Variants in TCOF1 observed in about 807,000 individuals in gnomAD.
The protein encoded by TCOF1 is treacle protein.
A neutral mutation model predicts 149.0 loss-of-function variants in TCOF1; 33 were observed. The observed-to-expected ratio is 0.22, with a 90% CI of 0.17 to 0.30. The LOEUF is 0.30. Among genes scored for constraint, TCOF1 ranks in the 10% least tolerant of loss-of-function variants. The pLI is 1.00. For missense variants in TCOF1, 1,728 were observed against 1,840.7 expected, an observed-to-expected ratio of 0.94 and a Z score of 1.12; for synonymous variants, 789 against 738.8, an observed-to-expected ratio of 1.07 and a Z score of -1.10.
chr5:150,368,950 G>A (rs1339814781), intron 5 of TCOF1, 48 bp downstream of exon 5: 4 of 1,605,602 alleles, frequency 2.5e-6, no homozygotes, highest in South Asian at 2.2e-5. Context: ...ACTTGGGCTG[G>A]TGAGGCAGGC....
chr5:150,398,379 AAAG>A lies in TCOF1; in HGVS notation c.4380_4382del (p.Lys1461del), dbSNP rs151344581. The A allele has an allele frequency of 1.8e-3, 2,939 of 1,613,646 alleles. 7 individuals carry two copies. The highest frequency in any genetic ancestry group is 2.3e-3 in the Non-Finnish European group (2,667 of 1,179,910). ...GAAAAAAAGACAAAGAAAAAAAAGA[AAAG>A]AAGAAGAAAGCAAAAAAGGCCTCAA... On this transcript the variant is annotated inframe_deletion, in exon 25 of 27. Coordinates refer to ENST00000643257, the MANE Select transcript of TCOF1 (RefSeq NM_001371623.1).
Position 150,357,872 on chromosome 5 carries a change from G to A in TCOF1, c.108+18G>A. 2 of 1,547,076 alleles carry A rather than the reference G, an allele frequency of 1.3e-6. No homozygotes were observed. The highest frequency in any genetic ancestry group is 8.7e-7 in the Non-Finnish European group (1 of 1,145,412). The stretch of plus-strand genomic sequence containing the variant: ...GCGGCCAGGTAAGCGTTCGTGGGCC[G>A]TGTGCGAGGGCCGCGTGCAAGATGT... On this transcript the variant is annotated intron_variant, in intron 1 of 26. Coordinates refer to ENST00000643257, the MANE Select transcript of TCOF1 (RefSeq NM_001371623.1).
Position 150,357,874 on chromosome 5 carries a change from G to A in TCOF1, c.108+20G>A. 6.5e-7 allele frequency: 1 copy of A among 1,547,378 alleles called. No individual in the cohort carries two copies. The highest frequency in any genetic ancestry group is 2.5e-5 in the East Asian group (1 of 40,796). ...GGCCAGGTAAGCGTTCGTGGGCCGT[G>A]TGCGAGGGCCGCGTGCAAGATGTGG... On this transcript the variant is annotated intron_variant, in intron 1 of 26. Coordinates refer to ENST00000643257, the MANE Select transcript of TCOF1 (RefSeq NM_001371623.1).
At chr5:150,387,099 C>T (rs1298482634) in intron 17 of TCOF1, among the ~76,000 whole-genome samples, 4 of 152,234 alleles carry the variant, frequency 2.6e-5, no homozygotes, top group African/African-American at 9.6e-5. Flanking sequence ...GACATGTCAG[C>T]TCATCCACCA....
intron 8 of TCOF1, 76 bp from the exon 9 acceptor site, chr5:150,374,541 G>A (rs1191303306): frequency 1.9e-6 from 3 of 1,603,910 alleles, no homozygotes; most frequent in Admixed American, 1.7e-5. Flanking sequence ...GCCCTATCTG[G>A]TCTTCTGTAC....
Position 150,372,038 on chromosome 5 carries a change from A to C in TCOF1, c.672A>C (p.Lys224Asn), listed in dbSNP as rs756128922. The change falls in exon 7 of 27, where the codon AAA becomes AAC. Residue 224 changes from lysine to asparagine, a missense_variant. Around this residue, in one of 2 missense-constraint regions of TCOF1, gnomAD observed 1,696 missense variants for 1,765.4 expected, o/e 0.96. Transcript: ENST00000643257. ...CCTCAGTAAAACCAGCCCAGGTCAA[A>C]GCCTCATCAGTTTCTACTAAGGAGT... is the stretch of plus-strand genomic sequence containing the variant. ...GKPSVKPAQV[K>N]ASSVSTKESP... The C allele has an allele frequency of 6.2e-7, 1 of 1,614,254 alleles. No homozygotes were observed.
Position 150,372,168 on chromosome 5 carries a change from G to A in TCOF1, c.802G>A (p.Glu268Lys). The change falls in exon 7 of 27, where the codon GAG becomes AAG. Residue 268 changes from glutamate (E) to lysine (K), a missense_variant. By Grantham distance (56) the Glu-to-Lys change is moderately conservative. Transcript: ENST00000643257. ...AGCCAAGAGGGCCAAGAAGCCAGAA[G>A]AGGAGTCAGAGAGTAGTGAGGAGGG... is the stretch of plus-strand genomic sequence containing the variant. Reference protein sequence around the residue: ...PPAKRAKKPEEESESSEEGSE... With the variant: ...PPAKRAKKPEKESESSEEGSE... The A allele has an allele frequency of 3.7e-6, 6 of 1,614,208 alleles. No individual in the cohort carries two copies. Among genetic ancestry groups the A allele is most frequent in the Non-Finnish European group, 5.1e-6 (6 of 1,180,028 alleles).
intron 2 of TCOF1, among the ~76,000 whole-genome samples, 166 bp from the exon 3 acceptor site, chr5:150,363,947 G>A (rs1162654106): frequency 2.0e-5 from 3 of 152,232 alleles, no homozygotes; most frequent in Non-Finnish European, 2.9e-5. Flanking sequence ...TGAAGTGAGT[G>A]AAAATGCAGA....
chr5:150,391,700 A>G, intron 20 of TCOF1, 43 bp downstream of exon 20: 2 of 1,570,736 alleles, frequency 1.3e-6, no homozygotes, highest in South Asian at 1.1e-5. Flanking sequence ...CGGAGCGTAG[A>G]AGGTGCAGGC....
rs1023553537 is a variant in TCOF1 at position 150,384,317 on chromosome 5, C to T, written c.2860-3585C>T. On this transcript the variant is annotated intron_variant, in intron 17 of 26. Coordinates refer to ENST00000643257, the MANE Select transcript of TCOF1 (RefSeq NM_001371623.1). ...CTCCACAACAGCCCTATGAGGGTGG[C>T]TCCCTTTGTTGTTTGCATTTTAAGG... 5 of 986,732 alleles carry T rather than the reference C, an allele frequency of 5.1e-6. No homozygotes were observed. In the African/African-American group the frequency reaches 5.2e-5, roughly 10 times the overall value. The allele number at this position is 986,732 out of a possible 1,614,324, so 61.1% of individuals were successfully genotyped here.
At chr5:150,369,435 C>T in intron 5 of TCOF1, 94 bp from the exon 6 acceptor site, 6 of 1,469,628 alleles carry the variant, frequency 4.1e-6, no homozygotes, top group Non-Finnish European at 5.7e-6. Flanking sequence ...CAGCACCTGG[C>T]TTTGATGAGC....
chr5:150,387,857 C>T lies in TCOF1; in HGVS notation c.2860-45C>T, dbSNP rs1179500300. On this transcript the variant is annotated intron_variant, in intron 17 of 26. Coordinates refer to ENST00000643257, the MANE Select transcript of TCOF1 (RefSeq NM_001371623.1). ...AACCCCATCACCTCCTTTCCCTGGC[C>T]AAGCCTTTAATCACTGGGGGGGTGT... 3.7e-6 allele frequency: 6 copies of T among 1,612,718 alleles called. No homozygotes were observed. In the African/African-American group the frequency reaches 8.0e-5, roughly 22 times the overall value.
chr5:150,393,017 T>G lies in TCOF1; in HGVS notation c.3603+227T>G, dbSNP rs565943253. On this transcript the variant is annotated intron_variant, in intron 22 of 26. Coordinates refer to ENST00000643257, the MANE Select transcript of TCOF1 (RefSeq NM_001371623.1). ...CTGAGTAGCTGACCCTTGGGGTCTG[T>G]AGAAGGGATTGACCTTGATTCTGGG... 196 of 613,788 alleles carry G rather than the reference T, an allele frequency of 3.2e-4. 2 individuals are homozygous for G. The South Asian group carries it at 3.7e-3, about 12-fold the overall frequency. The allele number at this position is 613,788 out of a possible 1,614,324, so 38.0% of individuals were successfully genotyped here. A position where few individuals can be genotyped will look rare whatever the true frequency, so the allele number is the denominator to read the frequency against.
chr5:150,392,324 C>A, intron 21 of TCOF1, 148 bp downstream of exon 21: 1 of 764,272 alleles, frequency 1.3e-6, no homozygotes, highest in Non-Finnish European at 2.1e-6. Context: ...ACCTGTACAA[C>A]TTCATGAGGA....
At chr5:150,385,516 G>A (rs185748087) in intron 17 of TCOF1, among the ~76,000 whole-genome samples, 61 of 152,304 alleles carry the variant, frequency 4.0e-4, no homozygotes, top group African/African-American at 1.4e-3. Flanking sequence ...TCAGTCCCCT[G>A]GAGTGGGGCT....
At chr5:150,369,413 G>A (rs998134882) in intron 5 of TCOF1, 116 bp from the exon 6 acceptor site, 6 of 1,187,010 alleles carry the variant, frequency 5.1e-6, no homozygotes, top group Non-Finnish European at 3.7e-6. Flanking sequence ...AGGCACACGA[G>A]GGGTGAGCGC....
chr5:150,399,050 GAGCACC>G lies in TCOF1; in HGVS notation c.*11_*16del. 1 of 1,614,220 alleles carries G rather than the reference GAGCACC, an allele frequency of 6.2e-7. No homozygotes were observed. The highest frequency in any genetic ancestry group is 8.5e-7 in the Non-Finnish European group (1 of 1,180,042). Reference sequence around the variant, plus strand: ...AAGACAGCAGAGCAGACTGTATGACGAGCACCAGCACCAGGCACAGGTACGCTTCCC... The same window carrying G: ...AAGACAGCAGAGCAGACTGTATGACGAGCACCAGGCACAGGTACGCTTCCC... On this transcript the variant is annotated 3_prime_UTR_variant, in exon 26 of 27. Transcript: ENST00000643257.
At chr5:150,390,071 C>G (rs1348285590) in intron 19 of TCOF1, 48 bp downstream of exon 19, 1 of 1,563,212 alleles carries the variant, frequency 6.4e-7, no homozygotes, top group Non-Finnish European at 8.7e-7. Context: ...GGGTGGGGCC[C>G]TACTTCCATA....
intron 2 of TCOF1, among the ~76,000 whole-genome samples, chr5:150,361,848 T>G (rs1488308983): frequency 6.6e-6 from 1 of 152,154 alleles, no homozygotes; most frequent in Admixed American, 6.5e-5. Flanking sequence ...TGGTGGACAG[T>G]ACAGATGGGG....
Sources: allele counts gnomAD v4.1 joint callset (sites outside exome capture counted in the v4.1 genomes callset), GRCh38; gene constraint gnomAD v4.1.1; regional missense constraint gnomAD v4.1.1; transcripts MANE v1.5; gene names NCBI Gene and HGNC (gene_info 2026-07-23, HGNC 2026-07-21).